Variants in HMCN1 observed in about 807,000 individuals in gnomAD.
The protein encoded by HMCN1 is hemicentin-1.
HMCN1 carries 321 observed loss-of-function variants against 625.9 expected under a neutral mutation model. That is an observed-to-expected ratio of 0.51 (90% CI 0.47 to 0.56). The LOEUF (loss-of-function observed/expected upper bound fraction) is 0.56, where lower values mean the gene tolerates loss of function less well. HMCN1 is among the 20% of genes least tolerant of loss of function. The pLI is 0.00. For missense variants in HMCN1, 6,588 were observed against 6,887.3 expected (o/e 0.96, Z 1.54); for synonymous variants, 2,425 against 2,417.6 (o/e 1.00, Z -0.09).
intron 1 of HMCN1, among the ~76,000 whole-genome samples, chr1:185,806,553 A>G (rs12565620): frequency 6.6e-6 from 1 of 151,564 alleles, no homozygotes; most frequent in Non-Finnish European, 1.5e-5. Flanking sequence ...TCTCAAAAAA[A>G]AAAAAAAAAA....
intron 11 of HMCN1, among the ~76,000 whole-genome samples, chr1:185,959,664 G>A (rs1649872092): frequency 6.6e-6 from 1 of 152,094 alleles, no homozygotes; most frequent in Admixed American, 6.6e-5. Context: ...TGATGATAAT[G>A]GTGATAATGA....
intron 36 of HMCN1, among the ~76,000 whole-genome samples, chr1:186,032,123 G>A (rs1224609872): frequency 6.6e-6 from 1 of 151,828 alleles, no homozygotes; most frequent in Non-Finnish European, 1.5e-5. Flanking sequence ...AGAGTTAACA[G>A]ACAACCCACA....
In HMCN1 at chr1:185,919,074, C is replaced by CATATATATATATATATATATATATATAT. The variant is rs60205431; in HGVS notation, c.901-3288_901-3287insTATATATATATATATATATATATATATA. ...AATTTTGGCCTCACTAATTTTAGGA[C>CATATATATATATATATATATATATATAT]ATATATATATATATATAATTTTATT... On this transcript the variant is annotated intron_variant, in intron 6 of 106. Transcript: ENST00000271588. 4.2e-4 allele frequency among the ~76,000 whole-genome samples: 62 copies of CATATATATATATATATATATATATATAT among 146,080 alleles called. 1 individual carries two copies. The highest frequency in any genetic ancestry group is 1.5e-3 in the African/African-American group (57 of 38,890).
rs1338775217 is a variant in HMCN1, at chr1:186,055,694, A to G, written c.7144+20A>G. ...TCCATGGTAAGTAGAAAGAGGCTCAATATGTCCATTCACTGGCTAACGTAA... is the reference window on the plus strand; with the variant it reads ...TCCATGGTAAGTAGAAAGAGGCTCAGTATGTCCATTCACTGGCTAACGTAA... On this transcript the variant is annotated intron_variant, in intron 45 of 106. Transcript: ENST00000271588. The G allele has an allele frequency of 2.5e-6, 4 of 1,610,468 alleles. No homozygotes were observed. In the African/African-American group the frequency reaches 5.3e-5, roughly 22 times the overall value.
intron 43 of HMCN1, 141 bp from the exon 44 acceptor site, chr1:186,053,684 T>G: frequency 1.3e-6 from 1 of 799,868 alleles, no homozygotes. Context: ...CTCCTTCATT[T>G]TACACACTAG....
chr1:185,770,365 G>A (rs1447020533), intron 1 of HMCN1, among the ~76,000 whole-genome samples: 1 of 152,132 alleles, frequency 6.6e-6, no homozygotes, highest in Non-Finnish European at 1.5e-5. Context: ...GACCACAATT[G>A]GGTAGTTGCA....
chr1:186,053,735 T>C, intron 43 of HMCN1, 90 bp from the exon 44 acceptor site: 3 of 1,338,130 alleles, frequency 2.2e-6, no homozygotes, highest in Non-Finnish European at 3.2e-6. Context: ...TTTATATACT[T>C]GAACTGAATA....
At chr1:186,182,096 T>G in intron 104 of HMCN1, 72 bp from the exon 105 acceptor site, 194 of 1,557,184 alleles carry the variant, frequency 1.2e-4, no homozygotes, top group Non-Finnish European at 1.6e-4. Context: ...AACAACTTGA[T>G]GAGAGTTGGC....
chr1:186,189,983 G>GA lies in HMCN1; in HGVS notation c.*109dup. 1 of 1,302,568 alleles carries GA rather than the reference G, an allele frequency of 7.7e-7. No individual in the cohort carries two copies. The highest frequency in any genetic ancestry group is 1.1e-6 in the Non-Finnish European group (1 of 910,154). The allele number at this position is 1,302,568 out of a possible 1,614,324, so 80.7% of individuals were successfully genotyped here. A position where few individuals can be genotyped will look rare whatever the true frequency, so the allele number is the denominator to read the frequency against. On this transcript the variant is annotated 3_prime_UTR_variant, in exon 107 of 107. Coordinates refer to ENST00000271588, the MANE Select transcript of HMCN1 (RefSeq NM_031935.3). The stretch of plus-strand genomic sequence containing the variant: ...TGAACAGTTGCAATCTTGGCAGCTT[G>GA]AAAATGGTGCTACACTCTGTTTTGT...
At chr1:185,872,924 A>G (rs964857708) in intron 4 of HMCN1, among the ~76,000 whole-genome samples, 1 of 152,178 alleles carries the variant, frequency 6.6e-6, no homozygotes, top group African/African-American at 2.4e-5. Flanking sequence ...TAAAATTCAG[A>G]AAACAGAATG....
chr1:185,881,608 T>G (rs1664316034), intron 4 of HMCN1, among the ~76,000 whole-genome samples: 1 of 152,180 alleles, frequency 6.6e-6, no homozygotes, highest in African/African-American at 2.4e-5. Context: ...TCAGGCTTTT[T>G]GGCTTGGGAT....
At chr1:185,978,943 A>T (rs1480752456) in intron 16 of HMCN1, among the ~76,000 whole-genome samples, 1 of 152,178 alleles carries the variant, frequency 6.6e-6, no homozygotes, top group African/African-American at 2.4e-5. Flanking sequence ...GTCTTCCCAA[A>T]GTACTGGGAT....
rs2102370400 is a variant in HMCN1 at position 186,078,959 on chromosome 1, A to T, written c.8599+739A>T. Among the ~76,000 whole-genome samples the T allele has an allele frequency of 2.0e-5, 3 of 152,344 alleles. 1 individual carries two copies. The South Asian group carries it at 6.2e-4, about 32-fold the overall frequency. ...AAGGAAAAGAGATGAGATGACAATT[A>T]AAAAATCAATGCTGACATTGTCAAG... On this transcript the variant is annotated intron_variant, in intron 55 of 106. Coordinates refer to ENST00000271588, the MANE Select transcript of HMCN1 (RefSeq NM_031935.3).
chr1:185,864,156 G>T (rs1663036342), intron 2 of HMCN1, among the ~76,000 whole-genome samples: 1 of 152,188 alleles, frequency 6.6e-6, no homozygotes, highest in South Asian at 2.1e-4. Flanking sequence ...ATAAGAATGA[G>T]AAAAAGTAAG....
intron 4 of HMCN1, among the ~76,000 whole-genome samples, chr1:185,872,492 A>G (rs73054448): frequency 0.06 from 9,183 of 152,226 alleles, 964 homozygotes; most frequent in African/African-American, 0.21. Context: ...GCATTGAACA[A>G]TTCTCATAAT....
At chr1:186,157,766 G>A (rs1182008128) in intron 97 of HMCN1, among the ~76,000 whole-genome samples, 1 of 152,164 alleles carries the variant, frequency 6.6e-6, no homozygotes, top group African/African-American at 2.4e-5. Context: ...CAAAGGACAT[G>A]AACTCATCAT....
intron 2 of HMCN1, 85 bp from the exon 3 acceptor site, chr1:185,864,384 TA>T: frequency 1.5e-6 from 2 of 1,318,074 alleles, no homozygotes; most frequent in Non-Finnish European, 1.1e-6. Context: ...TTGCTCGTTC[TA>T]AAACTCCCAA....
At chr1:186,010,072 T>C (rs552430955) in intron 30 of HMCN1, among the ~76,000 whole-genome samples, 1 of 152,242 alleles carries the variant, frequency 6.6e-6, no homozygotes, top group South Asian at 2.1e-4. Flanking sequence ...CACCTCCTGC[T>C]GTAGGGCCCA....
intron 1 of HMCN1, among the ~76,000 whole-genome samples, chr1:185,768,109 CATT>C (rs1332148436): frequency 1.3e-5 from 2 of 152,080 alleles, no homozygotes; most frequent in African/African-American, 4.8e-5. Context: ...CTACTTTTTG[CATT>C]ATTATTATTC....
Sources: allele counts gnomAD v4.1 joint callset (sites outside exome capture counted in the v4.1 genomes callset), GRCh38; gene constraint gnomAD v4.1.1; transcripts MANE v1.5; gene names NCBI Gene and HGNC (gene_info 2026-07-23, HGNC 2026-07-21).